Variants in SPAG6 observed in about 807,000 individuals in gnomAD.
SPAG6 encodes sperm-associated antigen 6.
A neutral mutation model predicts 58.5 loss-of-function variants in SPAG6; 49 were observed. The ratio of observed to expected loss-of-function variants is 0.84; its 90% confidence interval spans 0.67 to 1.06. SPAG6 has a LOEUF of 1.06. Ranked by LOEUF, SPAG6 falls within the 50% of genes least tolerant of loss-of-function variation. The probability of loss-of-function intolerance (pLI) is 0.00; values close to 1 mark genes in which losing one functional copy is unlikely to be tolerated. For missense variants in SPAG6, 560 were observed against 611.3 expected, an observed-to-expected ratio of 0.92 and a Z score of 0.89; for synonymous variants, 233 against 225.6, an observed-to-expected ratio of 1.03 and a Z score of -0.29.
intron 9 of SPAG6, among the ~76,000 whole-genome samples, chr10:22,408,744 G>A (rs1056851882): frequency 7.3e-5 from 11 of 151,414 alleles, no homozygotes; most frequent in African/African-American, 2.2e-4. Flanking sequence ...CCTCGCTGCC[G>A]CCTTTCAGTT....
intron 9 of SPAG6, among the ~76,000 whole-genome samples, chr10:22,407,313 G>A (rs1376703924): frequency 1.3e-5 from 2 of 151,846 alleles, no homozygotes; most frequent in Non-Finnish European, 2.9e-5. Flanking sequence ...TCCTTCAGGA[G>A]CTCTTTTAGG....
At chr10:22,401,745 A>G (rs1834419696) in intron 9 of SPAG6, among the ~76,000 whole-genome samples, 1 of 152,250 alleles carries the variant, frequency 6.6e-6, no homozygotes. Context: ...TTTAACAAAT[A>G]TAGCTGTCAT....
At chr10:22,380,430 A>G (rs1833924493) in intron 4 of SPAG6, among the ~76,000 whole-genome samples, 1 of 151,964 alleles carries the variant, frequency 6.6e-6, no homozygotes, top group African/African-American at 2.4e-5. Context: ...CAGCCTCCCG[A>G]GTAGCTACAG....
intron 4 of SPAG6, among the ~76,000 whole-genome samples, chr10:22,374,860 C>T (rs1170224631): frequency 6.6e-6 from 1 of 152,098 alleles, no homozygotes; most frequent in African/African-American, 2.4e-5. Flanking sequence ...AACTTTGTTA[C>T]ATCCAGATAA....
chr10:22,362,580 A>G (rs1363791895), intron 2 of SPAG6, among the ~76,000 whole-genome samples: 2 of 151,980 alleles, frequency 1.3e-5, no homozygotes, highest in East Asian at 1.9e-4. Context: ...CATCTCTACA[A>G]AAAAATGAAA....
At chr10:22,380,730 A>G (rs1026344903) in intron 4 of SPAG6, among the ~76,000 whole-genome samples, 1 of 152,200 alleles carries the variant, frequency 6.6e-6, no homozygotes, top group Admixed American at 6.5e-5. Context: ...ACCTAACTGC[A>G]AAGAAATGAT....
chr10:22,381,936 A>G (rs1383858394), intron 4 of SPAG6, among the ~76,000 whole-genome samples: 2 of 152,186 alleles, frequency 1.3e-5, no homozygotes, highest in Non-Finnish European at 2.9e-5. Flanking sequence ...TTAAATTGCA[A>G]CACTTCTCAT....
chr10:22,378,020 G>A (rs759867671), intron 4 of SPAG6, among the ~76,000 whole-genome samples: 28 of 148,646 alleles, frequency 1.9e-4, no homozygotes, highest in Non-Finnish European at 3.1e-4. Flanking sequence ...ATGTATTTAC[G>A]GGGTACAAGT....
At chr10:22,409,128 A>C (rs1272763265) in intron 9 of SPAG6, among the ~76,000 whole-genome samples, 1 of 152,162 alleles carries the variant, frequency 6.6e-6, no homozygotes, top group Admixed American at 6.5e-5. Context: ...AGCTGTTCCT[A>C]TTCGGCCATC....
rs529421083 is a variant in SPAG6, at chr10:22,387,993, C to T, written c.849C>T (p.Pro283=). ...TLIREIAKHT[P]ELSQLVVNAG... is the part of the protein sequence containing the mutation. ...TTAGAGAGATTGCAAAACATACACC[C>T]GAGGTGAAAAGAAACTTCAAGGCAC... Residue 283 remains proline (P), a synonymous_variant, in exon 6 of 11, where the codon CCC becomes CCT. Coordinates refer to ENST00000376624, the MANE Select transcript of SPAG6 (RefSeq NM_012443.4). The T allele has an allele frequency of 4.1e-5, 66 of 1,596,594 alleles. 1 individual carries two copies. In the South Asian group the frequency reaches 5.6e-4, roughly 14 times the overall value.
In SPAG6 at chr10:22,405,397, T is replaced by C. The variant is rs1371357936; in HGVS notation, c.1314+4120T>C. On this transcript the variant is annotated intron_variant, in intron 9 of 10. Transcript: ENST00000376624. ...TTTTCTGCATCTATTGAGATAATCA[T>C]GTGGTTTTTGTCTTTGGTTCTGTTT... Among the ~76,000 whole-genome samples, 6 of 151,714 alleles carry C rather than the reference T, an allele frequency of 4.0e-5. No homozygotes were observed. The East Asian group carries it at 9.6e-4, about 24-fold the overall frequency.
At chr10:22,376,887 C>G (rs1254610555) in intron 4 of SPAG6, among the ~76,000 whole-genome samples, 2 of 151,788 alleles carry the variant, frequency 1.3e-5, no homozygotes, top group East Asian at 3.9e-4. Context: ...GAGTTCAAGA[C>G]TAGCCTGGGC....
intron 2 of SPAG6, among the ~76,000 whole-genome samples, chr10:22,347,808 A>T (rs989441750): frequency 6.6e-6 from 1 of 152,212 alleles, no homozygotes; most frequent in Non-Finnish European, 1.5e-5. Context: ...AATTCTCTGC[A>T]CTTGACTAAT....
chr10:22,391,600 C>T, intron 7 of SPAG6, 129 bp from the exon 8 acceptor site: 1 of 709,652 alleles, frequency 1.4e-6, no homozygotes, highest in South Asian at 1.9e-5. Context: ...GTGATGTGCT[C>T]ATTTATTGAA....
intron 2 of SPAG6, among the ~76,000 whole-genome samples, chr10:22,354,511 A>C (rs568818956): frequency 8.5e-5 from 13 of 152,354 alleles, no homozygotes; most frequent in African/African-American, 2.9e-4. Flanking sequence ...AGCTGGAAAG[A>C]AAGATTTGGA....
rs754081595 is a variant in SPAG6 at position 22,411,036 on chromosome 10, G to A, written c.1320G>A (p.Leu440=). ...KHVVGQFSKV[L]PHDSKARRLF... The stretch of plus-strand genomic sequence containing the variant: ...TATGTGCTTCACTTTGCAAGGTGCT[G>A]CCGCATGATAGCAAAGCTCGACGAC... The change falls in exon 10 of 11, where the codon CTG becomes CTA. Residue 440 remains leucine (L), a synonymous_variant. Coordinates refer to ENST00000376624, the MANE Select transcript of SPAG6 (RefSeq NM_012443.4). 2 of 1,613,450 alleles carry A rather than the reference G, an allele frequency of 1.2e-6. No homozygotes were observed. Among genetic ancestry groups the A allele is most frequent in the South Asian group, 1.1e-5 (1 of 90,850 alleles).
chr10:22,349,583 G>A (rs1418855173), intron 2 of SPAG6, among the ~76,000 whole-genome samples: 1 of 152,134 alleles, frequency 6.6e-6, no homozygotes, highest in Admixed American at 6.5e-5. Flanking sequence ...GAAGCTCCAA[G>A]AAAATGACTT....
At chr10:22,355,114 CA>C (rs1438314734) in intron 2 of SPAG6, among the ~76,000 whole-genome samples, 3 of 152,046 alleles carry the variant, frequency 2.0e-5, no homozygotes, top group Non-Finnish European at 4.4e-5. Context: ...GTGAATTCAA[CA>C]GACTATATAC....
rs1238519766 is a variant in SPAG6 at position 22,356,516 on chromosome 10, C to A, written c.122-8337C>A. ...AGAAAATCTTAGTTTGGCCTACAGC[C>A]AAATTTGATCTGACCCCAAGTAAAC... On this transcript the variant is annotated intron_variant, in intron 2 of 10. Transcript: ENST00000376624. Among the ~76,000 whole-genome samples, 4 of 152,208 alleles carry A rather than the reference C, an allele frequency of 2.6e-5. No individual in the cohort carries two copies. In the East Asian group the frequency reaches 7.7e-4, roughly 29 times the overall value.
Sources: gnomAD v4.1 joint callset for allele counts (sites outside exome capture counted in the v4.1 genomes callset) on GRCh38, gnomAD v4.1.1 for gene constraint, MANE v1.5 for transcripts, NCBI Gene and HGNC (gene_info 2026-07-23, HGNC 2026-07-21) for gene names.